PACS1: variants seen among roughly 807,000 people sequenced by gnomAD.
PACS1 encodes the protein phosphofurin acidic cluster sorting protein 1.
A neutral mutation model predicts 115.0 loss-of-function variants in PACS1; 24 were observed. That is an observed-to-expected ratio of 0.21 (90% CI 0.15 to 0.29). The LOEUF is 0.29. Ranked by LOEUF, PACS1 falls within the 10% of genes least tolerant of loss-of-function variation. PACS1 has a pLI of 1.00. For synonymous variants in PACS1, 453 were observed against 504.5 expected (o/e 0.90, Z 1.37); for missense variants, 838 against 1,251.2 (o/e 0.67, Z 4.98).
chr11:66,193,939 C>G (rs996140877), intron 2 of PACS1, among the ~76,000 whole-genome samples: 1 of 152,068 alleles, frequency 6.6e-6, no homozygotes, highest in African/African-American at 2.4e-5. Context: ...GGTAGATGCA[C>G]GGGTATGGGA....
Position 66,090,875 on chromosome 11 carries a change from T to G in PACS1, c.356+20033T>G, listed in dbSNP as rs191101502. 2.6e-3 allele frequency among the ~76,000 whole-genome samples: 395 copies of G among 152,300 alleles called. 3 individuals are homozygous for G. The highest frequency in any genetic ancestry group is 4.7e-3 in the Non-Finnish European group (320 of 68,018). ...TTCCAGCCAATGGATTGAGAAATCC[T>G]TGGCCTGTTAGTGGATAAAAAGATA... On this transcript the variant is annotated intron_variant, in intron 1 of 23. Coordinates refer to ENST00000320580, the MANE Select transcript of PACS1 (RefSeq NM_018026.4).
intron 1 of PACS1, among the ~76,000 whole-genome samples, chr11:66,121,308 C>T (rs1858436303): frequency 1.3e-5 from 2 of 152,172 alleles, no homozygotes; most frequent in South Asian, 4.1e-4. Context: ...TGGCCATTCC[C>T]CCATCTCTCT....
intron 7 of PACS1, chr11:66,218,633 A>C (rs1247634175): frequency 6.6e-6 from 1 of 152,490 alleles, no homozygotes; most frequent in Non-Finnish European, 1.5e-5. Flanking sequence ...AGGCCGAGGC[A>C]GGCGCATCAC....
chr11:66,178,095 A>G (rs1398045163), intron 1 of PACS1, among the ~76,000 whole-genome samples: 3 of 152,162 alleles, frequency 2.0e-5, no homozygotes, highest in African/African-American at 4.8e-5. Flanking sequence ...GAGTAGATAT[A>G]TAGGAATATT....
intron 4 of PACS1, among the ~76,000 whole-genome samples, chr11:66,212,672 G>A (rs1172951764): frequency 6.6e-6 from 1 of 151,974 alleles, no homozygotes. Context: ...TTACGAGGAG[G>A]TAAATATATT....
intron 1 of PACS1, among the ~76,000 whole-genome samples, chr11:66,124,514 C>T (rs1465114774): frequency 1.3e-5 from 2 of 152,186 alleles, no homozygotes; most frequent in African/African-American, 4.8e-5. Context: ...TCTGGGTCCA[C>T]GTTTATGTAT....
At chr11:66,197,672 G>A (rs1565143084) in intron 2 of PACS1, among the ~76,000 whole-genome samples, 1 of 152,102 alleles carries the variant, frequency 6.6e-6, no homozygotes, top group Admixed American at 6.6e-5. Flanking sequence ...TATGCCTGCA[G>A]TCCCAGCTAT....
chr11:66,114,803 C>G (rs928552560), intron 1 of PACS1, among the ~76,000 whole-genome samples: 8 of 152,098 alleles, frequency 5.3e-5, no homozygotes, highest in African/African-American at 1.9e-4. Flanking sequence ...GTCTTCAGGG[C>G]TTTCTTTTTA....
chr11:66,133,977 G>A (rs895625820), intron 1 of PACS1, among the ~76,000 whole-genome samples: 2 of 152,078 alleles, frequency 1.3e-5, no homozygotes, highest in African/African-American at 4.8e-5. Flanking sequence ...TTCTTCAGAT[G>A]CCTGTGATAT....
At chr11:66,183,660 T>TTC (rs1429633426) in intron 1 of PACS1, among the ~76,000 whole-genome samples, 1 of 152,174 alleles carries the variant, frequency 6.6e-6, no homozygotes, top group African/African-American at 2.4e-5. Flanking sequence ...CAGGAAAGAA[T>TTC]TCAAGAGTGA....
At chr11:66,187,179 A>T (rs1854402142) in intron 1 of PACS1, among the ~76,000 whole-genome samples, 1 of 151,918 alleles carries the variant, frequency 6.6e-6, no homozygotes, top group Non-Finnish European at 1.5e-5. Flanking sequence ...TTATTTTTTA[A>T]TTTTTTATTT....
chr11:66,223,421 C>T (rs969037169), intron 10 of PACS1, among the ~76,000 whole-genome samples: 8 of 151,434 alleles, frequency 5.3e-5, no homozygotes, highest in Non-Finnish European at 8.8e-5. Flanking sequence ...GATAGGGTCT[C>T]GCTGTACTCC....
intron 2 of PACS1, among the ~76,000 whole-genome samples, 182 bp downstream of exon 2, chr11:66,193,755 T>A (rs1192644467): frequency 6.6e-6 from 1 of 152,212 alleles, no homozygotes; most frequent in Non-Finnish European, 1.5e-5. Flanking sequence ...GCCTCTTGGT[T>A]AGGGCACTCA....
chr11:66,092,394 T>G (rs1857682755), intron 1 of PACS1, among the ~76,000 whole-genome samples: 1 of 152,202 alleles, frequency 6.6e-6, no homozygotes, highest in Non-Finnish European at 1.5e-5. Flanking sequence ...GTAAATTTGT[T>G]TGAGTTCACT....
chr11:66,160,585 C>T (rs1859463851), intron 1 of PACS1, among the ~76,000 whole-genome samples: 1 of 151,674 alleles, frequency 6.6e-6, no homozygotes, highest in Admixed American at 6.6e-5. Flanking sequence ...TATCCTCAAT[C>T]TCCTGGGCTC....
intron 1 of PACS1, among the ~76,000 whole-genome samples, chr11:66,165,451 C>T (rs538285358): frequency 3.3e-5 from 5 of 152,244 alleles, no homozygotes; most frequent in African/African-American, 4.8e-5. Flanking sequence ...CTCTATGCCT[C>T]GACTCCTAAA....
At chr11:66,165,239 A>G (rs1419567024) in intron 1 of PACS1, among the ~76,000 whole-genome samples, 2 of 152,114 alleles carry the variant, frequency 1.3e-5, no homozygotes, top group Non-Finnish European at 2.9e-5. Flanking sequence ...CTTCTGGACC[A>G]CTTTCTTCTC....
Position 66,193,447 on chromosome 11 carries a change from C to G in PACS1, c.357-39C>G, listed in dbSNP as rs1289407056. 8 of 1,402,374 alleles carry G rather than the reference C, an allele frequency of 5.7e-6. No homozygotes were observed. The East Asian group carries it at 1.8e-4, about 32-fold the overall frequency. 86.9% of individuals were successfully genotyped at this position (1,402,374 alleles called of 1,614,324 possible). On this transcript the variant is annotated intron_variant, in intron 1 of 23. Coordinates refer to ENST00000320580, the MANE Select transcript of PACS1 (RefSeq NM_018026.4). ...TTGTTCATCACTTTTCTCGCAAGTT[C>G]CTCGCATATGACAGCATCTTCCTTC... is the stretch of plus-strand genomic sequence containing the variant.
intron 14 of PACS1, 103 bp downstream of exon 14, chr11:66,232,379 A>AGTTC: frequency 1.5e-6 from 1 of 672,676 alleles, no homozygotes; most frequent in Non-Finnish European, 2.6e-6. Flanking sequence ...GAGGTGGGGA[A>AGTTC]CTCACCCCTC....
Sources: allele counts gnomAD v4.1 joint callset (sites outside exome capture counted in the v4.1 genomes callset), GRCh38; gene constraint gnomAD v4.1.1; transcripts MANE v1.5; gene names NCBI Gene and HGNC (gene_info 2026-07-23, HGNC 2026-07-21).